LAMP1: variants seen among roughly 807,000 people sequenced by gnomAD.
The protein encoded by LAMP1 is lysosome associated membrane protein 1.
Under a neutral mutation model 37.5 loss-of-function variants are expected in LAMP1, and 7 were observed. The observed-to-expected ratio is 0.19, with a 90% CI of 0.11 to 0.35. The LOEUF (loss-of-function observed/expected upper bound fraction) is 0.35, where lower values mean the gene tolerates loss of function less well. Among genes scored for constraint, LAMP1 ranks in the 10% least tolerant of loss-of-function variants. The pLI, the probability that LAMP1 is intolerant of heterozygous loss-of-function variation, is 1.00. For missense variants in LAMP1, 537 were observed against 552.8 expected (o/e 0.97, Z 0.29); for synonymous variants, 236 against 229.1 (o/e 1.03, Z -0.27).
At position 113,306,593 on chromosome 13, in the gene LAMP1, A is replaced by G; in HGVS notation, c.170A>G (p.Lys57Arg). The G allele has an allele frequency of 6.2e-7, 1 of 1,614,022 alleles. No individual in the cohort carries two copies. Among genetic ancestry groups the G allele is most frequent in the African/African-American group, 1.3e-5 (1 of 75,030 alleles). Residue 57 changes from lysine to arginine, a missense_variant, in exon 2 of 9, where the codon AAG becomes AGG. Coordinates refer to ENST00000332556, the MANE Select transcript of LAMP1 (RefSeq NM_005561.4). ...SAAFSVNYDT[K>R]SGPKNMTFDL... The stretch of plus-strand genomic sequence containing the variant: ...GCCTTCTCAGTGAACTACGACACCA[A>G]GAGTGGCCCTAAGGTAGGAAACACC...
At chr13:113,301,477 G>A (rs926250279) in intron 1 of LAMP1, among the ~76,000 whole-genome samples, 3 of 151,586 alleles carry the variant, frequency 2.0e-5, no homozygotes, top group African/African-American at 7.3e-5. Context: ...AAAAAAATTA[G>A]TCGGGCATGG....
chr13:113,302,433 G>A lies in LAMP1; in HGVS notation c.62-4052G>A, dbSNP rs1210698925. ...TCAAACTCCTGACCTCAGGTGATCC[G>A]CCTGCCTCAGCCTCCCAAAGTGCTG... On this transcript the variant is annotated intron_variant, in intron 1 of 8. Transcript: ENST00000332556. Among the ~76,000 whole-genome samples the A allele has an allele frequency of 3.3e-5, 5 of 151,922 alleles. No homozygotes were observed. In the East Asian group the frequency reaches 5.8e-4, roughly 18 times the overall value.
At chr13:113,304,590 C>T (rs758159294) in intron 1 of LAMP1, among the ~76,000 whole-genome samples, 17 of 152,004 alleles carry the variant, frequency 1.1e-4, no homozygotes, top group Non-Finnish European at 2.4e-4. Flanking sequence ...CCAAGCAAAG[C>T]AGACAGTAGA....
intron 1 of LAMP1, among the ~76,000 whole-genome samples, chr13:113,301,663 A>G (rs1481609036): frequency 2.9e-4 from 1 of 3,394 alleles, no homozygotes; most frequent in African/African-American, 3.3e-4. Context: ...ATATATATAT[A>G]TATATATATA....
intron 4 of LAMP1, among the ~76,000 whole-genome samples, chr13:113,314,360 G>T (rs2042648915): frequency 7.8e-6 from 1 of 128,798 alleles, no homozygotes; most frequent in African/African-American, 3.6e-5. Context: ...CTGGGGCGGG[G>T]CCTCCTGGAG....
chr13:113,306,287 G>T, intron 1 of LAMP1, 198 bp from the exon 2 acceptor site: 2 of 415,850 alleles, frequency 4.8e-6, no homozygotes, highest in East Asian at 4.8e-5. Context: ...AACCTGGGAG[G>T]TGGAGGTTGC....
intron 4 of LAMP1, among the ~76,000 whole-genome samples, chr13:113,312,386 G>A (rs967551811): frequency 6.6e-6 from 1 of 152,196 alleles, no homozygotes; most frequent in Non-Finnish European, 1.5e-5. Context: ...ATTATCTGTG[G>A]CTGCTTTTGT....
rs1425356866 is a variant in LAMP1, at chr13:113,323,236, GTTATT to G, written c.*818_*822del. On this transcript the variant is annotated 3_prime_UTR_variant, in exon 9 of 9. Transcript: ENST00000332556. ...CACTTTTTTAAATATAAAAATGGGTGTTATTTTTATTTTTATTTGTAAAGTGATTT... is the reference window on the plus strand; with the variant it reads ...CACTTTTTTAAATATAAAAATGGGTGTTTATTTTTATTTGTAAAGTGATTT... 3 of 150,672 alleles carry G rather than the reference GTTATT, an allele frequency of 2.0e-5. No homozygotes were observed. The East Asian group carries it at 5.9e-4, about 30-fold the overall frequency. 9.3% of individuals were successfully genotyped at this position (150,672 alleles called of 1,614,324 possible). A position where few individuals can be genotyped will look rare whatever the true frequency, so the allele number is the denominator to read the frequency against.
chr13:113,322,140 G>T, intron 8 of LAMP1, 142 bp from the exon 9 acceptor site: 1 of 943,330 alleles, frequency 1.1e-6, no homozygotes, highest in Non-Finnish European at 1.6e-6. Flanking sequence ...GCTTCCCCAA[G>T]TGACAATTCC....
intron 2 of LAMP1, among the ~76,000 whole-genome samples, chr13:113,308,893 T>C (rs2042614562): frequency 1.3e-5 from 2 of 152,182 alleles, no homozygotes; most frequent in Non-Finnish European, 2.9e-5. Context: ...CAGTTGCTCG[T>C]TTTGCTTATA....
At chr13:113,306,909 T>G (rs571525129) in intron 2 of LAMP1, among the ~76,000 whole-genome samples, 2 of 130,404 alleles carry the variant, frequency 1.5e-5, no homozygotes, top group African/African-American at 2.7e-5. Flanking sequence ...GCGCGATCTC[T>G]GCTCACTGCA....
At position 113,308,324 on chromosome 13, in the gene LAMP1, C is replaced by CTTTTT. The variant is rs71101565; in HGVS notation, c.184-1298_184-1294dup. 2.1e-3 allele frequency among the ~76,000 whole-genome samples: 129 copies of CTTTTT among 60,420 alleles called. 6 individuals carry two copies. Among genetic ancestry groups the CTTTTT allele is most frequent in the African/African-American group, 5.9e-3 (83 of 14,052 alleles). 39.6% of individuals were successfully genotyped at this position (60,420 alleles called of 152,430 possible). On this transcript the variant is annotated intron_variant, in intron 2 of 8. Transcript: ENST00000332556. ...AGCTACCGTACCTGGCCTCCAAGCA[C>CTTTTT]TTTTTTTTTTTTTTTTTTTTTTTTT...
chr13:113,302,345 C>T (rs1357047912), intron 1 of LAMP1, among the ~76,000 whole-genome samples: 1 of 151,954 alleles, frequency 6.6e-6, no homozygotes, highest in African/African-American at 2.4e-5. Context: ...CCACCATGCC[C>T]GTCTAATTTT....
In LAMP1 at chr13:113,309,766, A is replaced by G. The variant is rs757261971; in HGVS notation, c.307A>G (p.Asn103Asp). Reference protein sequence around the residue: ...AFGRGHTLTLNFTRNATRYSV... With the variant: ...AFGRGHTLTLDFTRNATRYSV... ...TGGAAGAGGACATACACTCACTCTCAATTTCACGAGAAATGCAACACGTTA... is the reference window on the plus strand; with the variant it reads ...TGGAAGAGGACATACACTCACTCTCGATTTCACGAGAAATGCAACACGTTA... Residue 103 changes from asparagine to aspartate, a missense_variant, in exon 3 of 9, where the codon AAT becomes GAT. Asn to Asp is a conservative substitution (Grantham distance 23, BLOSUM62 1). Coordinates refer to ENST00000332556, the MANE Select transcript of LAMP1 (RefSeq NM_005561.4). The G allele has an allele frequency of 5.0e-6, 8 of 1,614,058 alleles. No homozygotes were observed. Among genetic ancestry groups the G allele is most frequent in the Non-Finnish European group, 6.8e-6 (8 of 1,180,036 alleles).
At position 113,322,484 on chromosome 13, in the gene LAMP1, T is replaced by C. The variant is rs984093627; in HGVS notation, c.*63T>C. On this transcript the variant is annotated 3_prime_UTR_variant, in exon 9 of 9. Transcript: ENST00000332556. ...GTTCCTTTCTCTGGGCTTAGGGTCC[T>C]GTCGAAGGGGAGGCACACTTTCTGG... 54 of 1,490,078 alleles carry C rather than the reference T, an allele frequency of 3.6e-5. No homozygotes were observed. In the East Asian group the frequency reaches 1.2e-3, roughly 32 times the overall value. 92.3% of individuals were successfully genotyped at this position (1,490,078 alleles called of 1,614,324 possible). A position where few individuals can be genotyped will look rare whatever the true frequency, so the allele number is the denominator to read the frequency against.
intron 1 of LAMP1, among the ~76,000 whole-genome samples, chr13:113,299,811 G>T (rs1168023382): frequency 6.6e-6 from 1 of 151,340 alleles, no homozygotes; most frequent in Non-Finnish European, 1.5e-5. Flanking sequence ...TGATCCACCT[G>T]CCTCAGACTC....
At position 113,320,250 on chromosome 13, in the gene LAMP1, T is replaced by C; in HGVS notation, c.751-95T>C. 3 of 1,458,058 alleles carry C rather than the reference T, an allele frequency of 2.1e-6. No individual in the cohort carries two copies. The highest frequency in any genetic ancestry group is 1.2e-5 in the South Asian group (1 of 85,436). The allele number at this position is 1,458,058 out of a possible 1,614,324, so 90.3% of individuals were successfully genotyped here. A position where few individuals can be genotyped will look rare whatever the true frequency, so the allele number is the denominator to read the frequency against. On this transcript the variant is annotated intron_variant, in intron 5 of 8. Coordinates refer to ENST00000332556, the MANE Select transcript of LAMP1 (RefSeq NM_005561.4). This position sits in a 1 kb window ranked among gnomAD's most constrained non-coding sequence, Gnocchi z 4.4. Reference sequence around the variant, plus strand: ...TCCTTCTGGTTTTGGTTAAAACAAATGTGGCCTTGAATTCACGGTTTCAGG... The same window carrying C: ...TCCTTCTGGTTTTGGTTAAAACAAACGTGGCCTTGAATTCACGGTTTCAGG...
rs780041684 is a variant in LAMP1 at position 113,306,834 on chromosome 13, C to CTT, written c.183+250_183+251dup. ...CTCACTGTTCATCATGAACATTTTC[C>CTT]TTTTTTTTTTTTTTTTTTTTTTTGA... On this transcript the variant is annotated intron_variant, in intron 2 of 8. Transcript: ENST00000332556. 1.1e-3 allele frequency among the ~76,000 whole-genome samples: 87 copies of CTT among 80,146 alleles called. 10 individuals carry two copies. The highest frequency in any genetic ancestry group is 0.019 in the Middle Eastern group (1 of 52). 52.6% of individuals were successfully genotyped at this position (80,146 alleles called of 152,430 possible).
intron 1 of LAMP1, among the ~76,000 whole-genome samples, chr13:113,302,255 G>C (rs895075634): frequency 9.2e-5 from 14 of 151,734 alleles, no homozygotes; most frequent in Non-Finnish European, 1.3e-4. Context: ...CACGATCTCA[G>C]CTCACTGCAA....
Sources: allele counts gnomAD v4.1 joint callset (sites outside exome capture counted in the v4.1 genomes callset), GRCh38; gene constraint gnomAD v4.1.1; non-coding constraint Gnocchi (gnomAD v3.1); transcripts MANE v1.5; gene names NCBI Gene and HGNC (gene_info 2026-07-23, HGNC 2026-07-21).